TLE4: variants seen among roughly 807,000 people sequenced by gnomAD.
TLE4 encodes TLE family member 4, transcriptional corepressor, also known as transducin-like enhancer protein 4.
A neutral mutation model predicts 92.8 loss-of-function variants in TLE4; 8 were observed. The observed-to-expected ratio is 0.09, with a 90% CI of 0.05 to 0.16. TLE4 has a LOEUF of 0.16. Ranked by LOEUF, TLE4 falls within the 10% of genes least tolerant of loss-of-function variation. The pLI is 1.00. For missense variants in TLE4, 675 were observed against 997.6 expected (o/e 0.68, Z 4.36); for synonymous variants, 371 against 374.1 (o/e 0.99, Z 0.10).
intron 8 of TLE4, among the ~76,000 whole-genome samples, chr9:79,666,282 C>T (rs1362711299): frequency 5.7e-5 from 8 of 141,456 alleles, no homozygotes. Flanking sequence ...TGCTGGAGTG[C>T]AGTGTCATGA....
intron 6 of TLE4, chr9:79,649,812 T>C (rs746985276): frequency 1.5e-6 from 2 of 1,365,228 alleles, no homozygotes; most frequent in Non-Finnish European, 2.0e-6. Flanking sequence ...TTATTTTTTA[T>C]CCTGTAGGAG....
chr9:79,719,038 C>T, intron 15 of TLE4, 67 bp downstream of exon 15: 1 of 1,553,590 alleles, frequency 6.4e-7, no homozygotes, highest in Admixed American at 1.8e-5. Flanking sequence ...GATGAGAGAA[C>T]TGTATGTATG....
At chr9:79,607,554 G>C (rs542126265) in intron 4 of TLE4, among the ~76,000 whole-genome samples, 1 of 152,246 alleles carries the variant, frequency 6.6e-6, no homozygotes, top group South Asian at 2.1e-4. Flanking sequence ...TTTATGTAAG[G>C]TGTAAGGAAG....
At chr9:79,641,621 T>C (rs763224844) in intron 6 of TLE4, among the ~76,000 whole-genome samples, 1 of 152,198 alleles carries the variant, frequency 6.6e-6, no homozygotes, top group Non-Finnish European at 1.5e-5. Context: ...TTCTCCCAGC[T>C]GTCTGCAGTG....
chr9:79,689,433 C>A (rs2066584410), intron 8 of TLE4, among the ~76,000 whole-genome samples: 1 of 151,906 alleles, frequency 6.6e-6, no homozygotes, highest in African/African-American at 2.4e-5. Flanking sequence ...GCTTTTACCA[C>A]AGTTTGCTTA....
intron 4 of TLE4, among the ~76,000 whole-genome samples, chr9:79,594,104 A>G (rs1423007558): frequency 6.6e-6 from 1 of 152,218 alleles, no homozygotes; most frequent in Admixed American, 6.5e-5. Context: ...TCTAAAAGCT[A>G]CAGAGGTGAT....
At chr9:79,712,383 AAC>A (rs2073531094) in intron 14 of TLE4, among the ~76,000 whole-genome samples, 1 of 152,328 alleles carries the variant, frequency 6.6e-6, no homozygotes, top group African/African-American at 2.4e-5. Flanking sequence ...AAATGAATAT[AAC>A]AGTTATGTGG....
At chr9:79,584,031 CG>C (rs1292501064) in intron 4 of TLE4, among the ~76,000 whole-genome samples, 1 of 152,152 alleles carries the variant, frequency 6.6e-6, no homozygotes, top group African/African-American at 2.4e-5. Flanking sequence ...AGGATCAGCA[CG>C]GGGGTGGAGA....
In TLE4 at chr9:79,627,394, G is replaced by C. The variant is rs201980306; in HGVS notation, c.336G>C (p.Gln112His). The change falls in exon 6 of 20, where the codon CAG becomes CAC. Residue 112 changes from glutamine to histidine, a missense_variant. Coordinates refer to ENST00000376552, the MANE Select transcript of TLE4 (RefSeq NM_007005.6). Reference sequence around the variant, plus strand: ...TATAGCACCAGCAACAAGTGGTGCAGGCTGTGGAACGGGCCAAGCAGGTGA... The same window carrying C: ...TATAGCACCAGCAACAAGTGGTGCACGCTGTGGAACGGGCCAAGCAGGTGA... ...LSQEHQQQVVQAVERAKQVTM... is the reference protein window; with the variant it reads ...LSQEHQQQVVHAVERAKQVTM... 81 of 1,614,074 alleles carry C rather than the reference G, an allele frequency of 5.0e-5. No individual in the cohort carries two copies. The highest frequency in any genetic ancestry group is 3.6e-5 in the Non-Finnish European group (43 of 1,180,036).
chr9:79,643,647 G>A (rs62569311), intron 6 of TLE4, among the ~76,000 whole-genome samples: 3,861 of 152,098 alleles, frequency 0.025, 74 homozygotes, highest in African/African-American at 0.05. Flanking sequence ...TTTAGATTTC[G>A]GTTAAGTGTT....
chr9:79,613,581 T>C (rs2048845259), intron 5 of TLE4, among the ~76,000 whole-genome samples: 1 of 152,198 alleles, frequency 6.6e-6, no homozygotes, highest in African/African-American at 2.4e-5. Flanking sequence ...GCTAATGAAA[T>C]ATCTGCATGT....
At chr9:79,607,382 T>TC (rs1333025570) in intron 4 of TLE4, among the ~76,000 whole-genome samples, 1 of 152,208 alleles carries the variant, frequency 6.6e-6, no homozygotes, top group Non-Finnish European at 1.5e-5. Context: ...TTTAATTAGA[T>TC]CCCATTTGTC....
At chr9:79,640,272 A>G (rs903990766) in intron 6 of TLE4, among the ~76,000 whole-genome samples, 4 of 152,178 alleles carry the variant, frequency 2.6e-5, no homozygotes, top group South Asian at 2.1e-4. Context: ...TTCTTAATAC[A>G]TGGTAAACAG....
At chr9:79,575,977 G>A (rs1176945793) in intron 3 of TLE4, 156 bp from the exon 4 acceptor site, 2 of 450,978 alleles carry the variant, frequency 4.4e-6, no homozygotes, top group Non-Finnish European at 7.8e-6. Flanking sequence ...GTTAAAGATA[G>A]TGATGGGCTC....
intron 1 of TLE4, 69 bp downstream of exon 1, chr9:79,572,904 C>T (rs935654420): frequency 7.0e-5 from 106 of 1,519,424 alleles, no homozygotes; most frequent in Non-Finnish European, 9.3e-5. Flanking sequence ...CCCTGCGCAC[C>T]GAGTTGTGTC....
At chr9:79,705,213 G>T (rs567160444) in intron 9 of TLE4, among the ~76,000 whole-genome samples, 1 of 152,170 alleles carries the variant, frequency 6.6e-6, no homozygotes, top group Non-Finnish European at 1.5e-5. Context: ...TGGTTAGCTG[G>T]AATTGTTAAG....
At chr9:79,671,393 G>T in intron 8 of TLE4, 1 of 380,712 alleles carries the variant, frequency 2.6e-6, no homozygotes, top group Non-Finnish European at 5.5e-6. Context: ...CGAGGACTGT[G>T]ATCTCACAGT....
chr9:79,606,187 G>GTTGTTTTTTTTTTTTTTTTTTT (rs2046834923), intron 4 of TLE4, among the ~76,000 whole-genome samples: 1 of 28,674 alleles, frequency 3.5e-5, no homozygotes, highest in Non-Finnish European at 6.4e-5. Flanking sequence ...AGTAGTAGTT[G>GTTGTTTTTTTTTTTTTTTTTTT]TTTTTTTTTT....
intron 19 of TLE4, among the ~76,000 whole-genome samples, chr9:79,723,960 A>C (rs2076044742): frequency 2.0e-5 from 3 of 152,228 alleles, no homozygotes; most frequent in Admixed American, 2.0e-4. Context: ...TAAAGTATTC[A>C]GAGTCCTGGT....
Sources: gnomAD v4.1 joint callset for allele counts (sites outside exome capture counted in the v4.1 genomes callset) on GRCh38, gnomAD v4.1.1 for gene constraint, MANE v1.5 for transcripts, NCBI Gene and HGNC (gene_info 2026-07-23, HGNC 2026-07-21) for gene names.